RASGRF2: variants seen among roughly 807,000 people sequenced by gnomAD.
RASGRF2 encodes the protein ras-specific guanine nucleotide-releasing factor 2.
In RASGRF2, 76 loss-of-function variants were observed where a neutral mutation model predicts 151.0. The observed-to-expected ratio is 0.50, with a 90% CI of 0.42 to 0.61. The LOEUF (loss-of-function observed/expected upper bound fraction) is 0.61, where lower values mean the gene tolerates loss of function less well. Among genes scored for constraint, RASGRF2 ranks in the 20% least tolerant of loss-of-function variants. The pLI, the probability that RASGRF2 is intolerant of heterozygous loss-of-function variation, is 0.00. For missense variants in RASGRF2, 1,148 were observed against 1,564.6 expected (o/e 0.73, Z 4.49); for synonymous variants, 504 against 566.5 (o/e 0.89, Z 1.57).
chr5:81,035,732 G>A (rs990346913), intron 1 of RASGRF2, among the ~76,000 whole-genome samples: 6 of 152,144 alleles, frequency 3.9e-5, no homozygotes, highest in Non-Finnish European at 7.4e-5. Context: ...TGAACAGAGA[G>A]ATAAAGAAAT....
Position 81,227,317 on chromosome 5 carries a change from G to A in RASGRF2, c.*1547G>A, listed in dbSNP as rs1756020804. 1 of 152,186 alleles carries A rather than the reference G, an allele frequency of 6.6e-6. No homozygotes were observed. Among genetic ancestry groups the A allele is most frequent in the African/African-American group, 2.4e-5 (1 of 41,438 alleles). The allele number at this position is 152,186 out of a possible 1,614,324, so 9.4% of individuals were successfully genotyped here. A position where few individuals can be genotyped will look rare whatever the true frequency, so the allele number is the denominator to read the frequency against. On this transcript the variant is annotated 3_prime_UTR_variant, in exon 27 of 27. Transcript: ENST00000265080. ...GTAGAGAATGTACACTTTCTGCACG[G>A]TAAGTGCCATCTCTGTATGTAACTA...
chr5:81,173,498 T>G (rs2112662655), intron 17 of RASGRF2, among the ~76,000 whole-genome samples: 2 of 152,342 alleles, frequency 1.3e-5, no homozygotes, highest in African/African-American at 4.8e-5. Flanking sequence ...TAATCCTAAC[T>G]GTTATCCTAA....
At chr5:81,046,835 A>G (rs1214093507) in intron 2 of RASGRF2, among the ~76,000 whole-genome samples, 2 of 152,132 alleles carry the variant, frequency 1.3e-5, no homozygotes, top group Non-Finnish European at 2.9e-5. Flanking sequence ...CTGCTAGAAC[A>G]TGGACCAAGC....
At chr5:81,181,567 C>T (rs1754917755) in intron 18 of RASGRF2, among the ~76,000 whole-genome samples, 2 of 152,146 alleles carry the variant, frequency 1.3e-5, no homozygotes, top group African/African-American at 4.8e-5. Flanking sequence ...ATCCATTTTG[C>T]CTCACTGCAG....
intron 1 of RASGRF2, among the ~76,000 whole-genome samples, chr5:81,006,758 C>T (rs1407930588): frequency 6.6e-6 from 1 of 152,220 alleles, no homozygotes; most frequent in Non-Finnish European, 1.5e-5. Context: ...GTTCCCTTAT[C>T]TGCCTAAAGT....
At chr5:80,975,784 C>T (rs1043166400) in intron 1 of RASGRF2, among the ~76,000 whole-genome samples, 2 of 151,758 alleles carry the variant, frequency 1.3e-5, no homozygotes, top group Admixed American at 6.6e-5. Flanking sequence ...GGTATTTTCT[C>T]ATACCTGATA....
At chr5:81,129,823 A>C (rs1316641697) in intron 17 of RASGRF2, among the ~76,000 whole-genome samples, 1 of 152,242 alleles carries the variant, frequency 6.6e-6, no homozygotes, top group Non-Finnish European at 1.5e-5. Context: ...GGACAAGAAC[A>C]TCTCACAGAT....
intron 2 of RASGRF2, among the ~76,000 whole-genome samples, chr5:81,052,308 G>A (rs1188297640): frequency 6.6e-6 from 1 of 152,062 alleles, no homozygotes; most frequent in Non-Finnish European, 1.5e-5. Flanking sequence ...GTGATGTTCT[G>A]TTGTATTTCC....
At chr5:81,067,975 G>C (rs1580275801) in intron 2 of RASGRF2, 57 bp from the exon 3 acceptor site, 11 of 1,369,880 alleles carry the variant, frequency 8.0e-6, no homozygotes, top group African/African-American at 1.4e-5. Flanking sequence ...TATTCTATAT[G>C]GAACTCTATA....
At chr5:81,110,950 C>T (rs1045789777) in intron 13 of RASGRF2, among the ~76,000 whole-genome samples, 19 of 152,304 alleles carry the variant, frequency 1.2e-4, no homozygotes, top group African/African-American at 4.3e-4. Context: ...AGCTCCTTGG[C>T]AGGGTGAAGC....
At chr5:81,139,812 T>C (rs1753841615) in intron 17 of RASGRF2, among the ~76,000 whole-genome samples, 1 of 152,010 alleles carries the variant, frequency 6.6e-6, no homozygotes, top group Admixed American at 6.6e-5. Flanking sequence ...ACACATCCCA[T>C]TGGAATTCAG....
chr5:81,194,325 C>T (rs1326153594), intron 18 of RASGRF2, among the ~76,000 whole-genome samples: 1 of 152,090 alleles, frequency 6.6e-6, no homozygotes, highest in East Asian at 1.9e-4. Context: ...CCATTGCACT[C>T]CAGCCTGGGT....
At chr5:81,027,477 G>A (rs1342658771) in intron 1 of RASGRF2, among the ~76,000 whole-genome samples, 1 of 151,994 alleles carries the variant, frequency 6.6e-6, no homozygotes, top group African/African-American at 2.4e-5. Flanking sequence ...CATTCCCCTC[G>A]CTCCTGGCAA....
intron 1 of RASGRF2, among the ~76,000 whole-genome samples, chr5:80,991,179 A>C (rs941932267): frequency 6.6e-6 from 1 of 152,166 alleles, no homozygotes; most frequent in South Asian, 2.1e-4. Context: ...GTGGTGACTC[A>C]TGTCTGTAAT....
intron 5 of RASGRF2, 73 bp downstream of exon 5, chr5:81,073,525 C>A: frequency 6.8e-7 from 1 of 1,462,530 alleles, no homozygotes; most frequent in Non-Finnish European, 9.2e-7. Flanking sequence ...TTTACTTAAT[C>A]TTTAAAAGGG....
At chr5:81,039,018 T>C (rs1402049539) in intron 1 of RASGRF2, among the ~76,000 whole-genome samples, 1 of 152,260 alleles carries the variant, frequency 6.6e-6, no homozygotes, top group African/African-American at 2.4e-5. Flanking sequence ...TCAATCTTTT[T>C]TTATGATTTG....
intron 9 of RASGRF2, among the ~76,000 whole-genome samples, chr5:81,088,815 A>G (rs952490673): frequency 6.6e-6 from 1 of 152,228 alleles, no homozygotes; most frequent in African/African-American, 2.4e-5. Context: ...GGAAGGTCAA[A>G]TACTGAATGT....
At chr5:81,111,354 C>T (rs1248142094) in intron 13 of RASGRF2, among the ~76,000 whole-genome samples, 1 of 152,110 alleles carries the variant, frequency 6.6e-6, no homozygotes, top group East Asian at 1.9e-4. Context: ...GGAGAGGCTG[C>T]CAGTGCAATG....
chr5:80,980,011 C>T (rs1173956839), intron 1 of RASGRF2, among the ~76,000 whole-genome samples: 1 of 152,202 alleles, frequency 6.6e-6, no homozygotes, highest in Non-Finnish European at 1.5e-5. Context: ...ATTACCTACT[C>T]ATTTGGCAGT....
Sources: allele counts gnomAD v4.1 joint callset (sites outside exome capture counted in the v4.1 genomes callset), GRCh38; gene constraint gnomAD v4.1.1; transcripts MANE v1.5; gene names NCBI Gene and HGNC (gene_info 2026-07-23, HGNC 2026-07-21).